CTSZ: variants seen among roughly 807,000 people sequenced by gnomAD.
CTSZ encodes carboxypeptidase LB.
Under a neutral mutation model 32.4 loss-of-function variants are expected in CTSZ, and 39 were observed. The observed-to-expected ratio is 1.20, with a 90% CI of 0.93 to 1.57. The LOEUF (loss-of-function observed/expected upper bound fraction) is 1.57. CTSZ is among the 40% of genes most tolerant of loss of function. CTSZ has a pLI of 0.00. For synonymous variants in CTSZ, 168 were observed against 170.1 expected (o/e 0.99, Z 0.10); for missense variants, 397 against 419.6 (o/e 0.95, Z 0.47).
At chr20:59,005,343 C>T (rs1430977754) in intron 2 of CTSZ, among the ~76,000 whole-genome samples, 18 of 152,192 alleles carry the variant, frequency 1.2e-4, no homozygotes, top group Admixed American at 1.0e-3. Context: ...CCCAGGCTTC[C>T]GGGCTCAAAT....
At position 59,007,138 on chromosome 20, in the gene CTSZ, C is replaced by A; in HGVS notation, c.-10G>T. 7.4e-7 allele frequency: 1 copy of A among 1,352,216 alleles called. No homozygotes were observed. The highest frequency in any genetic ancestry group is 9.4e-7 in the Non-Finnish European group (1 of 1,060,222). The allele number at this position is 1,352,216 out of a possible 1,614,324, so 83.8% of individuals were successfully genotyped here. A position where few individuals can be genotyped will look rare whatever the true frequency, so the allele number is the denominator to read the frequency against. On this transcript the variant is annotated 5_prime_UTR_variant, in exon 1 of 6. Transcript: ENST00000217131. ...GCCCGCGCCTCGCCATGGCCCCGCG[C>A]CGGCTCCTGGGTCCCGCTCCGGATC...
rs778615569 is a variant in CTSZ at position 58,995,805 on chromosome 20, C to T, written c.802-46G>A. On this transcript the variant is annotated intron_variant, in intron 5 of 5. Transcript: ENST00000217131. The stretch of plus-strand genomic sequence containing the variant: ...CGTCAGCCCATCTGCAGCCGTCTCC[C>T]GCTCCCCTTGCTGCCGTCAGCCCCC... The T allele has an allele frequency of 9.0e-6, 14 of 1,552,942 alleles. No homozygotes were observed. The East Asian group carries it at 1.3e-4, about 15-fold the overall frequency.
intron 4 of CTSZ, 81 bp from the exon 5 acceptor site, chr20:58,996,882 C>T (rs1438805939): frequency 4.3e-5 from 65 of 1,500,264 alleles, no homozygotes; most frequent in Non-Finnish European, 5.5e-5. Flanking sequence ...TATGGCTGGG[C>T]GCCGTGGCTC....
rs1455462094 is a variant in CTSZ at position 59,004,838 on chromosome 20, C to T, written c.307+1484G>A. On this transcript the variant is annotated intron_variant, in intron 2 of 5. Coordinates refer to ENST00000217131, the MANE Select transcript of CTSZ (RefSeq NM_001336.4). This position sits in a 1 kb window ranked among gnomAD's most constrained non-coding sequence, Gnocchi z 5.6. ...GAGAAAGTGGGGTGAAGCAGTCATC[C>T]GCCCAGAGAGAGTCCCCTGGGGAAA... Among the ~76,000 whole-genome samples the T allele has an allele frequency of 3.3e-5, 5 of 152,096 alleles. No individual in the cohort carries two copies. Among genetic ancestry groups the T allele is most frequent in the South Asian group, 2.1e-4 (1 of 4,822 alleles).
chr20:58,995,673 A>G lies in CTSZ; in HGVS notation c.888T>C (p.Cys296=). The change falls in exon 6 of 6, where the codon TGT becomes TGC. Residue 296 remains cysteine (C), a synonymous_variant. Transcript: ENST00000217131. ...ARYNLAIEEH[C]TFGDPIV ...CTTAAACGATGGGGTCCCCAAATGT[A>G]CAGTGCTCCTCGATGGCAAGGTTGT... 6.2e-7 allele frequency: 1 copy of G among 1,614,122 alleles called. No homozygotes were observed. Among genetic ancestry groups the G allele is most frequent in the Non-Finnish European group, 8.5e-7 (1 of 1,180,008 alleles).
intron 4 of CTSZ, 111 bp from the exon 5 acceptor site, chr20:58,996,912 T>C: frequency 1.6e-6 from 2 of 1,238,336 alleles, no homozygotes; most frequent in Non-Finnish European, 2.2e-6. Context: ...ATTCCAGCAC[T>C]TTGGGAGGCC....
At chr20:58,996,144 AAT>A in intron 5 of CTSZ, among the ~76,000 whole-genome samples, 1 of 152,288 alleles carries the variant, frequency 6.6e-6, no homozygotes, top group South Asian at 2.1e-4. Context: ...CTGTGTCTTA[AAT>A]TATTAATGGC....
chr20:58,997,748 C>T lies in CTSZ; in HGVS notation c.493G>A (p.Asp165Asn). The T allele has an allele frequency of 6.2e-7, 1 of 1,604,674 alleles. No homozygotes were observed. Among genetic ancestry groups the T allele is most frequent in the Non-Finnish European group, 8.5e-7 (1 of 1,175,608 alleles). Residue 165 changes from aspartate to asparagine, a missense_variant, in exon 4 of 6, where the codon GAC (aspartate) becomes AAC (asparagine). Coordinates refer to ENST00000217131, the MANE Select transcript of CTSZ (RefSeq NM_001336.4). ...NNYQAKDQEC[D>N]KFNQCGTCNE... ...CATGTCCCACATTGGTTAAACTTGT[C>T]ACACTCTGGGGGAGAGCAAGAAAAG...
intron 4 of CTSZ, 200 bp downstream of exon 4, chr20:58,997,403 A>G (rs750657609): frequency 3.2e-5 from 14 of 437,436 alleles, no homozygotes; most frequent in Non-Finnish European, 5.6e-5. Flanking sequence ...TAGAGGGGAA[A>G]TGATGTGGCT....
chr20:59,007,191 G>C lies in CTSZ; in HGVS notation c.-63C>G. ...GCTCCGAGTCCCAGATCCCGCGCCG[G>C]CTCCCGCTCTGGATCCCGCCCCGGC... On this transcript the variant is annotated 5_prime_UTR_variant, in exon 1 of 6. Coordinates refer to ENST00000217131, the MANE Select transcript of CTSZ (RefSeq NM_001336.4). 2 of 1,289,536 alleles carry C rather than the reference G, an allele frequency of 1.6e-6. No homozygotes were observed. The highest frequency in any genetic ancestry group is 1.9e-6 in the Non-Finnish European group (2 of 1,025,696). 79.9% of individuals were successfully genotyped at this position (1,289,536 alleles called of 1,614,324 possible).
intron 4 of CTSZ, chr20:58,997,283 A>T (rs1194052412): frequency 3.9e-6 from 1 of 254,612 alleles, no homozygotes; most frequent in Non-Finnish European, 7.4e-6. Flanking sequence ...TTCCCTGCTG[A>T]AACTGCCCCC....
At chr20:59,000,081 CA>C (rs2091882438) in intron 3 of CTSZ, among the ~76,000 whole-genome samples, 1 of 20,168 alleles carries the variant, frequency 5.0e-5, no homozygotes, top group Admixed American at 4.2e-4. Context: ...AAAAAAAAAA[CA>C]AACTACCAGT....
intron 1 of CTSZ, 112 bp from the exon 2 acceptor site, chr20:59,006,597 G>A (rs2091909589): frequency 1.8e-6 from 2 of 1,137,954 alleles, no homozygotes; most frequent in Non-Finnish European, 2.5e-6. Flanking sequence ...GGGCATGGGA[G>A]TGGGGCCACA....
In CTSZ at chr20:58,995,657, T is replaced by A. The variant is rs1569061560; in HGVS notation, c.904A>T (p.Ile302Phe). 1 of 1,614,054 alleles carries A rather than the reference T, an allele frequency of 6.2e-7. No homozygotes were observed. Among genetic ancestry groups the A allele is most frequent in the Non-Finnish European group, 8.5e-7 (1 of 1,179,942 alleles). The change falls in exon 6 of 6, where the codon ATC (isoleucine) becomes TTC (phenylalanine). Residue 302 changes from isoleucine (I) to phenylalanine (F), a missense_variant. By Grantham distance (21) the Ile-to-Phe change is conservative. Transcript: ENST00000217131. Reference protein sequence around the residue: ...IEEHCTFGDPIV With the variant: ...IEEHCTFGDPFV ...CTTCTAGTGACATGGCCTTAAACGA[T>A]GGGGTCCCCAAATGTACAGTGCTCC... is the stretch of plus-strand genomic sequence containing the variant.
intron 4 of CTSZ, 85 bp from the exon 5 acceptor site, chr20:58,996,886 G>T: frequency 6.8e-7 from 1 of 1,471,344 alleles, no homozygotes; most frequent in Non-Finnish European, 9.3e-7. Flanking sequence ...GCTGGGCGCC[G>T]TGGCTCACGC....
intron 5 of CTSZ, 144 bp downstream of exon 5, chr20:58,996,495 C>A: frequency 1.2e-6 from 1 of 836,372 alleles, no homozygotes; most frequent in Non-Finnish European, 1.9e-6. Flanking sequence ...AAAAGCCACT[C>A]GCGCGGTGGC....
At chr20:59,005,626 G>A (rs998285532) in intron 2 of CTSZ, among the ~76,000 whole-genome samples, 16 of 152,196 alleles carry the variant, frequency 1.1e-4, no homozygotes, top group African/African-American at 1.4e-4. Flanking sequence ...CCCAGGCCAC[G>A]CAAGTCCCAT....
Position 59,006,510 on chromosome 20 carries a change from G to A in CTSZ, c.144-25C>T, listed in dbSNP as rs751089751. ...GCTGAGAAGAGATCATCCCCACCCAGATCGGTGCTGGGGCTCCCGGGGGCC... is the reference window on the plus strand; with the variant it reads ...GCTGAGAAGAGATCATCCCCACCCAAATCGGTGCTGGGGCTCCCGGGGGCC... On this transcript the variant is annotated intron_variant, in intron 1 of 5. Transcript: ENST00000217131. 10 of 1,596,720 alleles carry A rather than the reference G, an allele frequency of 6.3e-6. No homozygotes were observed. The African/African-American group carries it at 1.1e-4, about 17-fold the overall frequency.
intron 3 of CTSZ, among the ~76,000 whole-genome samples, chr20:58,998,503 G>A (rs1176559437): frequency 2.7e-5 from 4 of 147,964 alleles, no homozygotes; most frequent in African/African-American, 1.0e-4. Context: ...CCAGGATCGC[G>A]CCATTGCACT....
Sources: allele counts gnomAD v4.1 joint callset (sites outside exome capture counted in the v4.1 genomes callset), GRCh38; gene constraint gnomAD v4.1.1; non-coding constraint Gnocchi (gnomAD v3.1); transcripts MANE v1.5; gene names NCBI Gene and HGNC (gene_info 2026-07-23, HGNC 2026-07-21).